REEP3: variants seen among roughly 807,000 people sequenced by gnomAD.
REEP3 encodes receptor expression-enhancing protein 3.
In REEP3, 20 loss-of-function variants were observed where a neutral mutation model predicts 41.3. The ratio of observed to expected loss-of-function variants is 0.48; its 90% CI spans 0.34 to 0.70. The LOEUF (loss-of-function observed/expected upper bound fraction) is 0.70. Among genes scored for constraint, REEP3 ranks in the 30% least tolerant of loss-of-function variants. The pLI, the probability that REEP3 is intolerant of heterozygous loss-of-function variation, is 0.01. For synonymous variants in REEP3, 104 were observed against 101.8 expected, an observed-to-expected ratio of 1.02 and a Z score of -0.13; for missense variants, 271 against 308.8, an observed-to-expected ratio of 0.88 and a Z score of 0.92.
chr10:63,546,975 G>A lies in REEP3; in HGVS notation c.33-19363G>A, dbSNP rs576032521. 2.0e-5 allele frequency among the ~76,000 whole-genome samples: 3 copies of A among 151,402 alleles called. No homozygotes were observed. In the East Asian group the frequency reaches 6.2e-4, roughly 31 times the overall value. On this transcript the variant is annotated intron_variant, in intron 1 of 7. Coordinates refer to ENST00000373758, the MANE Select transcript of REEP3 (RefSeq NM_001001330.3). ...TTCACTCTTTCACCCAGGCTGGAGT[G>A]CAGTGGTGCAATCTCAGCTCACTAC...
intron 2 of REEP3, among the ~76,000 whole-genome samples, chr10:63,589,586 CCCTACCT>C (rs1044084660): frequency 7.9e-5 from 12 of 152,090 alleles, no homozygotes; most frequent in African/African-American, 2.9e-4. Flanking sequence ...CCTTTTCCTC[CCCTACCT>C]CCTTCTCACC....
At chr10:63,522,717 T>C (rs534883236) in intron 1 of REEP3, among the ~76,000 whole-genome samples, 98 of 152,360 alleles carry the variant, frequency 6.4e-4, no homozygotes, top group Middle Eastern at 3.4e-3. Flanking sequence ...GGAAGTGAAT[T>C]ACTAGCCCTA....
At position 63,623,132 on chromosome 10, in the gene REEP3, A is replaced by G. The variant is rs560776239; in HGVS notation, c.*2263A>G. On this transcript the variant is annotated 3_prime_UTR_variant, in exon 8 of 8. Coordinates refer to ENST00000373758, the MANE Select transcript of REEP3 (RefSeq NM_001001330.3). ...CTAGACTCAAAATTCTTTATCAAAG[A>G]TAGTCTCAAAGAGGTAGTACAAGTC... is the stretch of plus-strand genomic sequence containing the variant. 1 of 152,334 alleles carries G rather than the reference A, an allele frequency of 6.6e-6. No homozygotes were observed. Among genetic ancestry groups the G allele is most frequent in the Admixed American group, 6.5e-5 (1 of 15,304 alleles). The allele number at this position is 152,334 out of a possible 1,614,324, so 9.4% of individuals were successfully genotyped here. A position where few individuals can be genotyped will look rare whatever the true frequency, so the allele number is the denominator to read the frequency against.
rs1420581164 is a variant in REEP3 at position 63,602,200 on chromosome 10, TAATG to T, written c.417+2920_417+2923del. 7.9e-5 allele frequency among the ~76,000 whole-genome samples: 12 copies of T among 152,274 alleles called. No individual in the cohort carries two copies. The East Asian group carries it at 2.1e-3, about 27-fold the overall frequency. On this transcript the variant is annotated intron_variant, in intron 5 of 7. Transcript: ENST00000373758. ...GAGTATGACTGCATTTACATTATAA[TAATG>T]AACACAGACTAAGGATTTAACAACT... is the stretch of plus-strand genomic sequence containing the variant.
chr10:63,564,660 G>A (rs940653157), intron 1 of REEP3, among the ~76,000 whole-genome samples: 2 of 151,728 alleles, frequency 1.3e-5, no homozygotes, highest in Admixed American at 1.3e-4. Flanking sequence ...TAGCTATAAG[G>A]TTATTGTTTT....
At chr10:63,599,884 T>C (rs1423353353) in intron 5 of REEP3, among the ~76,000 whole-genome samples, 1 of 152,238 alleles carries the variant, frequency 6.6e-6, no homozygotes, top group Non-Finnish European at 1.5e-5. Flanking sequence ...TTGTGTGATT[T>C]ATTTTAAATA....
intron 1 of REEP3, among the ~76,000 whole-genome samples, chr10:63,553,174 GAGAGCTCACAACATGA>G (rs1325805384): frequency 1.3e-5 from 2 of 152,176 alleles, no homozygotes; most frequent in Non-Finnish European, 2.9e-5. Context: ...TGAGAGGAGG[GAGAGCTCACAACATGA>G]AGAGCGAGAT....
At chr10:63,536,674 T>C (rs1237523662) in intron 1 of REEP3, among the ~76,000 whole-genome samples, 1 of 151,670 alleles carries the variant, frequency 6.6e-6, no homozygotes, top group Non-Finnish European at 1.5e-5. Flanking sequence ...AGAAAAAAAA[T>C]TAACCTAAAA....
intron 1 of REEP3, among the ~76,000 whole-genome samples, chr10:63,546,191 A>T (rs1280273927): frequency 6.6e-6 from 1 of 152,200 alleles, no homozygotes; most frequent in South Asian, 2.1e-4. Context: ...TGATATTATC[A>T]GATTTTGTGT....
Position 63,582,070 on chromosome 10 carries a change from T to C in REEP3, c.106-12708T>C, listed in dbSNP as rs373481803. Among the ~76,000 whole-genome samples the C allele has an allele frequency of 3.1e-4, 47 of 152,322 alleles. 1 individual carries two copies. In the South Asian group the frequency reaches 9.7e-3, roughly 32 times the overall value. On this transcript the variant is annotated intron_variant, in intron 2 of 7. Coordinates refer to ENST00000373758, the MANE Select transcript of REEP3 (RefSeq NM_001001330.3). ...TCCTCTAGTTGATATTGTCAGAACA[T>C]GCACAGCACAGCCTCTCACTGCAGT...
At chr10:63,532,215 A>T (rs972352315) in intron 1 of REEP3, among the ~76,000 whole-genome samples, 1 of 152,248 alleles carries the variant, frequency 6.6e-6, no homozygotes, top group African/African-American at 2.4e-5. Flanking sequence ...CAAAACTATC[A>T]AGGAAATCAT....
In REEP3 at chr10:63,623,753, A is replaced by ATGTGTG. The variant is rs1430902074; in HGVS notation, c.*2885_*2886insGTGTGT. On this transcript the variant is annotated 3_prime_UTR_variant, in exon 8 of 8. Transcript: ENST00000373758. ...ATCCCCCTCACATACTTCACAATAT[A>ATGTGTG]TATGTGTGTGTGTGTGTGTGTGTGT... The ATGTGTG allele has an allele frequency of 1.2e-4, 13 of 110,272 alleles. No individual in the cohort carries two copies. Among genetic ancestry groups the ATGTGTG allele is most frequent in the African/African-American group, 1.4e-4 (4 of 28,940 alleles). The allele number at this position is 110,272 out of a possible 1,614,324, so 6.8% of individuals were successfully genotyped here. A position where few individuals can be genotyped will look rare whatever the true frequency, so the allele number is the denominator to read the frequency against.
At chr10:63,611,125 C>A (rs1473780057) in intron 6 of REEP3, among the ~76,000 whole-genome samples, 1 of 152,152 alleles carries the variant, frequency 6.6e-6, no homozygotes, top group Non-Finnish European at 1.5e-5. Context: ...GATCATCTAG[C>A]TAACAAAGTA....
chr10:63,608,426 C>T (rs1187794819), intron 5 of REEP3, among the ~76,000 whole-genome samples: 3 of 152,176 alleles, frequency 2.0e-5, no homozygotes, highest in Admixed American at 6.5e-5. Context: ...AATCAAGACT[C>T]ATAAATTAAG....
At chr10:63,600,960 C>T (rs1564489340) in intron 5 of REEP3, among the ~76,000 whole-genome samples, 1 of 152,046 alleles carries the variant, frequency 6.6e-6, no homozygotes, top group Non-Finnish European at 1.5e-5. Flanking sequence ...TCAGACCAGC[C>T]TGGCCAACAT....
chr10:63,615,825 A>T (rs1956307920), intron 6 of REEP3, among the ~76,000 whole-genome samples: 1 of 152,138 alleles, frequency 6.6e-6, no homozygotes, highest in Non-Finnish European at 1.5e-5. Flanking sequence ...GATTACAGGC[A>T]TGAGCCACCA....
intron 1 of REEP3, among the ~76,000 whole-genome samples, chr10:63,528,213 C>G (rs944645621): frequency 3.9e-5 from 6 of 152,266 alleles, no homozygotes; most frequent in Middle Eastern, 6.8e-3. Flanking sequence ...ATCTGAAAGT[C>G]AGACTGAACT....
At chr10:63,611,666 AAAG>A (rs1162283446) in intron 6 of REEP3, among the ~76,000 whole-genome samples, 1 of 152,126 alleles carries the variant, frequency 6.6e-6, no homozygotes, top group South Asian at 2.1e-4. Context: ...TTTATTAAAA[AAAG>A]AAGTTTTCTT....
intron 1 of REEP3, among the ~76,000 whole-genome samples, chr10:63,545,740 T>C (rs1955573313): frequency 1.5e-5 from 2 of 137,622 alleles, no homozygotes; most frequent in Admixed American, 1.8e-4. Context: ...CACGCTGGAG[T>C]GCAGTGGCAC....
Sources: gnomAD v4.1 joint callset for allele counts (sites outside exome capture counted in the v4.1 genomes callset) on GRCh38, gnomAD v4.1.1 for gene constraint, MANE v1.5 for transcripts, NCBI Gene and HGNC (gene_info 2026-07-23, HGNC 2026-07-21) for gene names.